AGAP1: variants seen among roughly 807,000 people sequenced by gnomAD.
The protein encoded by AGAP1 is arf-GAP with GTPase, ANK repeat and PH domain-containing protein 1.
A neutral mutation model predicts 105.3 loss-of-function variants in AGAP1; 29 were observed. That is an observed-to-expected ratio of 0.28 (90% CI 0.21 to 0.38). The LOEUF is 0.38. AGAP1 is among the 10% of genes least tolerant of loss of function. AGAP1 has a pLI of 1.00. For synonymous variants in AGAP1, 509 were observed against 485.9 expected, an observed-to-expected ratio of 1.05 and a Z score of -0.63; for missense variants, 998 against 1,165.1, an observed-to-expected ratio of 0.86 and a Z score of 2.09.
chr2:236,100,143 C>A (rs1188304509), intron 16 of AGAP1, among the ~76,000 whole-genome samples: 2 of 152,174 alleles, frequency 1.3e-5, no homozygotes, highest in Non-Finnish European at 2.9e-5. Flanking sequence ...ACCCATGCAG[C>A]CAGCGTTGGA....
chr2:235,761,417 C>T (rs1437267024), intron 6 of AGAP1, among the ~76,000 whole-genome samples: 1 of 152,182 alleles, frequency 6.6e-6, no homozygotes, highest in African/African-American at 2.4e-5. Flanking sequence ...CATGTTAAGA[C>T]TCATCTCTTT....
At position 235,731,466 on chromosome 2, in the gene AGAP1, C is replaced by T. The variant is rs116360563; in HGVS notation, c.311-9497C>T. ...GGCTATTTTGATGTAAGGGAAAAGA[C>T]GTATCCTGGATCTTCCAGAAAGCAT... On this transcript the variant is annotated intron_variant, in intron 3 of 17. Coordinates refer to ENST00000304032, the MANE Select transcript of AGAP1 (RefSeq NM_001037131.3). 7.0e-3 allele frequency among the ~76,000 whole-genome samples: 1,067 copies of T among 152,236 alleles called. 15 individuals are homozygous for T. The highest frequency in any genetic ancestry group is 0.031 in the South Asian group (150 of 4,824).
At chr2:235,510,430 G>A (rs1337224186) in intron 1 of AGAP1, among the ~76,000 whole-genome samples, 1 of 152,166 alleles carries the variant, frequency 6.6e-6, no homozygotes, top group African/African-American at 2.4e-5. Flanking sequence ...ATTTACTACA[G>A]TGTTTTTATC....
chr2:235,882,052 TTTTTGTTTTG>T lies in AGAP1; in HGVS notation c.1051-1282_1051-1273del, dbSNP rs573880651. ...GGGTTTTTCTGGGGTTTTTTTGTGG[TTTTTGTTTTG>T]TTTTGTTTTGGTGGGTTTTTTTGTG... On this transcript the variant is annotated intron_variant, in intron 9 of 17. Transcript: ENST00000304032. The surrounding 1 kb of genome is among the most constrained non-coding windows in gnomAD (Gnocchi z 4.6). 3.3e-5 allele frequency among the ~76,000 whole-genome samples: 5 copies of T among 152,152 alleles called. No individual in the cohort carries two copies. Among genetic ancestry groups the T allele is most frequent in the African/African-American group, 4.8e-5 (2 of 41,518 alleles).
chr2:235,826,610 C>A (rs1365348310), intron 9 of AGAP1, among the ~76,000 whole-genome samples: 1 of 152,048 alleles, frequency 6.6e-6, no homozygotes, highest in Non-Finnish European at 1.5e-5. Flanking sequence ...CCACCACACC[C>A]AGCTAATTTT....
Position 235,494,696 on chromosome 2 carries a change from C to A in AGAP1, c.10C>A (p.Gln4Lys). 6.5e-7 allele frequency: 1 copy of A among 1,528,050 alleles called. No individual in the cohort carries two copies. The highest frequency in any genetic ancestry group is 2.8e-5 in the East Asian group (1 of 35,532). 94.7% of individuals were successfully genotyped at this position (1,528,050 alleles called of 1,614,324 possible). A position where few individuals can be genotyped will look rare whatever the true frequency, so the allele number is the denominator to read the frequency against. ...GCGCGGCGCCTGCACCATGAACTAC[C>A]AGCAGCAGCTGGCCAACTCGGCTGC... MNY[Q>K]QQLANSAAIR... The change falls in exon 1 of 18, where the codon CAG becomes AAG. Residue 4 changes from glutamine (Q) to lysine (K), a missense_variant. Transcript: ENST00000304032.
At chr2:235,680,841 C>T (rs1216272849) in intron 1 of AGAP1, among the ~76,000 whole-genome samples, 1 of 152,108 alleles carries the variant, frequency 6.6e-6, no homozygotes, top group Non-Finnish European at 1.5e-5. Context: ...GAGTTCTACT[C>T]CACACTTCCT....
intron 1 of AGAP1, among the ~76,000 whole-genome samples, chr2:235,507,942 CT>C (rs1195506073): frequency 6.6e-6 from 1 of 152,008 alleles, no homozygotes; most frequent in Non-Finnish European, 1.5e-5. Flanking sequence ...TTTTTCAGTC[CT>C]TTCCCTCCCA....
Position 235,941,302 on chromosome 2 carries a change from G to A in AGAP1, c.1483+10379G>A, listed in dbSNP as rs146947611. ...AGTGGTGTAAATTAATAGGGATTAT[G>A]TAGATTAGATACATTTCACAACAAT... On this transcript the variant is annotated intron_variant, in intron 12 of 17. Transcript: ENST00000304032. Among the ~76,000 whole-genome samples, 1,015 of 152,284 alleles carry A rather than the reference G, an allele frequency of 6.7e-3. 8 individuals are homozygous for A. Among genetic ancestry groups the A allele is most frequent in the African/African-American group, 0.022 (931 of 41,558 alleles).
intron 10 of AGAP1, among the ~76,000 whole-genome samples, chr2:235,899,375 T>C (rs2050954523): frequency 6.6e-6 from 1 of 152,068 alleles, no homozygotes; most frequent in Non-Finnish European, 1.5e-5. Context: ...TAGCCAGGCA[T>C]GGTTGCAGGC....
intron 12 of AGAP1, among the ~76,000 whole-genome samples, chr2:235,937,884 G>A (rs73128470): frequency 6.6e-6 from 1 of 152,338 alleles, no homozygotes; most frequent in Middle Eastern, 3.4e-3. Flanking sequence ...GCGGTGCCAC[G>A]GTCAGGAAGC....
At chr2:235,583,714 T>C (rs933198635) in intron 1 of AGAP1, among the ~76,000 whole-genome samples, 36 of 150,840 alleles carry the variant, frequency 2.4e-4, no homozygotes, top group Non-Finnish European at 1.0e-4. Flanking sequence ...CCATCTCTAC[T>C]AAAAATACAA....
intron 11 of AGAP1, among the ~76,000 whole-genome samples, chr2:235,915,368 T>A (rs926665791): frequency 1.3e-5 from 2 of 152,206 alleles, no homozygotes; most frequent in Non-Finnish European, 2.9e-5. Context: ...ACTCATAAAA[T>A]GAGGCAAACA....
rs990159497 is a variant in AGAP1, at chr2:236,038,625, C to T, written c.1800+1910C>T. On this transcript the variant is annotated intron_variant, in intron 14 of 17. Transcript: ENST00000304032. The surrounding 1 kb of genome is among the most constrained non-coding windows in gnomAD (Gnocchi z 4.5). ...GTTGAACAGGTGTGAGGGCATAAAA[C>T]ATGGAAATACTGTCCACAAGGAGTA... Among the ~76,000 whole-genome samples, 14 of 152,188 alleles carry T rather than the reference C, an allele frequency of 9.2e-5. No homozygotes were observed. Among genetic ancestry groups the T allele is most frequent in the Non-Finnish European group, 1.5e-4 (10 of 68,044 alleles).
chr2:235,903,761 A>G (rs2051170289), intron 10 of AGAP1, among the ~76,000 whole-genome samples: 1 of 151,990 alleles, frequency 6.6e-6, no homozygotes, highest in African/African-American at 2.4e-5. Flanking sequence ...TTAGTAGCCT[A>G]ATACGGTATT....
intron 11 of AGAP1, among the ~76,000 whole-genome samples, chr2:235,915,021 C>G (rs2051803037): frequency 6.6e-6 from 1 of 152,134 alleles, no homozygotes; most frequent in African/African-American, 2.4e-5. Flanking sequence ...GCAAGGCAGC[C>G]CTGACCGTAG....
At chr2:235,841,793 T>A (rs1003399774) in intron 9 of AGAP1, among the ~76,000 whole-genome samples, 2 of 152,160 alleles carry the variant, frequency 1.3e-5, no homozygotes, top group African/African-American at 4.8e-5. Flanking sequence ...TGAGTTTCTG[T>A]TTTCCTTGGT....
Position 235,769,368 on chromosome 2 carries a change from A to G in AGAP1, c.673+18880A>G, listed in dbSNP as rs1406588476. ...GAGTTTTCTTTTTCCTCCAGTGGCA[A>G]GGTTTGCGTGGTCTTCACTCTTTTG... On this transcript the variant is annotated intron_variant, in intron 6 of 17. Transcript: ENST00000304032. This position sits in a 1 kb window ranked among gnomAD's most constrained non-coding sequence, Gnocchi z 4.4. Among the ~76,000 whole-genome samples the G allele has an allele frequency of 6.6e-6, 1 of 152,142 alleles. No individual in the cohort carries two copies. The highest frequency in any genetic ancestry group is 1.5e-5 in the Non-Finnish European group (1 of 68,038).
At chr2:235,997,515 A>G (rs546891451) in intron 13 of AGAP1, among the ~76,000 whole-genome samples, 45 of 152,280 alleles carry the variant, frequency 3.0e-4, no homozygotes, top group African/African-American at 1.1e-3. Context: ...GCGGCCATAC[A>G]TTTTTGTGAG....
Sources: allele counts gnomAD v4.1 joint callset (sites outside exome capture counted in the v4.1 genomes callset), GRCh38; gene constraint gnomAD v4.1.1; non-coding constraint Gnocchi (gnomAD v3.1); transcripts MANE v1.5; gene names NCBI Gene and HGNC (gene_info 2026-07-23, HGNC 2026-07-21).